Variants in SRP72 observed in about 807,000 individuals in gnomAD.
The protein encoded by SRP72 is signal recognition particle subunit SRP72.
In SRP72, 49 loss-of-function variants were observed where a neutral mutation model predicts 96.3. The ratio of observed to expected loss-of-function variants is 0.51; its 90% CI spans 0.40 to 0.65. The LOEUF (loss-of-function observed/expected upper bound fraction) is 0.65, where lower values mean the gene tolerates loss of function less well. Among genes scored for constraint, SRP72 ranks in the 30% least tolerant of loss-of-function variants. The pLI, the probability that SRP72 is intolerant of heterozygous loss-of-function variation, is 0.00. For missense variants in SRP72, 736 were observed against 793.3 expected (o/e 0.93, Z 0.87); for synonymous variants, 267 against 275.2 (o/e 0.97, Z 0.30).
chr4:56,489,130 C>A, intron 12 of SRP72: 1 of 335,656 alleles, frequency 3.0e-6, no homozygotes, highest in Non-Finnish European at 5.5e-6. Flanking sequence ...CTGTACTTAC[C>A]AAACCATTTG....
At chr4:56,482,372 C>T (rs933837646) in intron 8 of SRP72, among the ~76,000 whole-genome samples, 12 of 151,558 alleles carry the variant, frequency 7.9e-5, no homozygotes, top group South Asian at 2.1e-4. Context: ...GGCGTGAACC[C>T]GTGAGGCGGA....
At position 56,491,523 on chromosome 4, in the gene SRP72, A is replaced by G. The variant is rs777563434; in HGVS notation, c.1595A>G (p.Lys532Arg). Residue 532 changes from lysine to arginine, a missense_variant, in exon 16 of 19, where the codon AAG (lysine) becomes AGG (arginine). This residue lies in a region of SRP72 where 388 missense variants were observed against 431.8 expected (regional missense o/e 0.90). Coordinates refer to ENST00000642900, the MANE Select transcript of SRP72 (RefSeq NM_006947.4). Reference sequence around the variant, plus strand: ...TCTGCTGGTGCTACATACATTCGGAAGAAGGGTGGAAAAGTTACTGGAGAT... The same window carrying G: ...TCTGCTGGTGCTACATACATTCGGAGGAAGGGTGGAAAAGTTACTGGAGAT... ...ENSAGATYIRKKGGKVTGDSQ... is the reference protein window; with the variant it reads ...ENSAGATYIRRKGGKVTGDSQ... The G allele has an allele frequency of 1.9e-6, 3 of 1,614,016 alleles. No individual in the cohort carries two copies. Among genetic ancestry groups the G allele is most frequent in the Admixed American group, 3.3e-5 (2 of 60,024 alleles).
chr4:56,481,402 C>G (rs1578184484), intron 8 of SRP72, among the ~76,000 whole-genome samples: 1 of 152,148 alleles, frequency 6.6e-6, no homozygotes, highest in East Asian at 1.9e-4. Flanking sequence ...ATCAGTGTGA[C>G]TTAGTTTTCT....
At chr4:56,478,160 T>A (rs1397298308) in intron 6 of SRP72, among the ~76,000 whole-genome samples, 3 of 151,546 alleles carry the variant, frequency 2.0e-5, no homozygotes, top group Non-Finnish European at 4.4e-5. Context: ...TTTTCTTTTT[T>A]TTTTTTTTTT....
At chr4:56,472,348 C>CTTTTT (rs11332013) in intron 3 of SRP72, among the ~76,000 whole-genome samples, 1 of 123,042 alleles carries the variant, frequency 8.1e-6, no homozygotes, top group South Asian at 2.7e-4. Flanking sequence ...TAAAGTTTTT[C>CTTTTT]TTTTTTTTTT....
intron 15 of SRP72, 22 bp downstream of exon 15, chr4:56,490,667 C>T (rs975855579): frequency 3.1e-6 from 5 of 1,587,530 alleles, no homozygotes; most frequent in Middle Eastern, 1.7e-4. Flanking sequence ...ATTGTTATTC[C>T]TTACAGCTCC....
At chr4:56,479,218 C>T (rs1407447616) in intron 8 of SRP72, among the ~76,000 whole-genome samples, 1 of 152,010 alleles carries the variant, frequency 6.6e-6, no homozygotes, top group Non-Finnish European at 1.5e-5. Flanking sequence ...CTCGCTCTGT[C>T]GCCCGGACTG....
Position 56,502,218 on chromosome 4 carries a change from G to A in SRP72, c.*357G>A, listed in dbSNP as rs771292642. 15 of 211,158 alleles carry A rather than the reference G, an allele frequency of 7.1e-5. No individual in the cohort carries two copies. The highest frequency in any genetic ancestry group is 1.1e-4 in the Non-Finnish European group (11 of 103,612). 13.1% of individuals were successfully genotyped at this position (211,158 alleles called of 1,614,324 possible). A position where few individuals can be genotyped will look rare whatever the true frequency, so the allele number is the denominator to read the frequency against. On this transcript the variant is annotated 3_prime_UTR_variant, in exon 19 of 19. Coordinates refer to ENST00000642900, the MANE Select transcript of SRP72 (RefSeq NM_006947.4). ...AGAAACTACTTCTATGATTTCAGCTGGAGTCTGAAGATACTTGTTTCTGTT... is the reference window on the plus strand; with the variant it reads ...AGAAACTACTTCTATGATTTCAGCTAGAGTCTGAAGATACTTGTTTCTGTT...
chr4:56,500,682 G>A lies in SRP72; in HGVS notation c.1825G>A (p.Ala609Thr). ...AGGGACCCAGGGAGCAACTGCAGGA[G>A]CTTCATCTGAACTGTAAGTTATTGC... is the stretch of plus-strand genomic sequence containing the variant. ...GKGTQGATAG[A>T]SSELDASKTV... The change falls in exon 18 of 19, where the codon GCT becomes ACT. Residue 609 changes from alanine to threonine, a missense_variant. Coordinates refer to ENST00000642900, the MANE Select transcript of SRP72 (RefSeq NM_006947.4). 6.2e-7 allele frequency: 1 copy of A among 1,613,610 alleles called. No individual in the cohort carries two copies. Among genetic ancestry groups the A allele is most frequent in the Non-Finnish European group, 8.5e-7 (1 of 1,179,800 alleles).
chr4:56,501,012 T>C (rs1721245613), intron 18 of SRP72, among the ~76,000 whole-genome samples: 1 of 152,100 alleles, frequency 6.6e-6, no homozygotes, highest in African/African-American at 2.4e-5. Context: ...GTCATTCAAC[T>C]AAATAAATAT....
chr4:56,482,216 C>T (rs928947309), intron 8 of SRP72, among the ~76,000 whole-genome samples: 1 of 150,332 alleles, frequency 6.7e-6, no homozygotes, highest in Non-Finnish European at 1.5e-5. Flanking sequence ...CCTAGGTGGG[C>T]GAATCACGAG....
chr4:56,491,737 T>C lies in SRP72; in HGVS notation c.1640+169T>C, dbSNP rs533620223. On this transcript the variant is annotated intron_variant, in intron 16 of 18. Transcript: ENST00000642900. Reference sequence around the variant, plus strand: ...TGTCCTTATTTCCTTCCCTTTTCCCTCAGCCCAAAATTAACCTCTGGTATT... The same window carrying C: ...TGTCCTTATTTCCTTCCCTTTTCCCCCAGCCCAAAATTAACCTCTGGTATT... The C allele has an allele frequency of 5.0e-5, 30 of 594,092 alleles. No individual in the cohort carries two copies. The African/African-American group carries it at 5.2e-4, about 10-fold the overall frequency. The allele number at this position is 594,092 out of a possible 1,614,324, so 36.8% of individuals were successfully genotyped here.
intron 9 of SRP72, among the ~76,000 whole-genome samples, chr4:56,484,063 T>C (rs924005590): frequency 7.1e-4 from 96 of 135,152 alleles, no homozygotes; most frequent in Non-Finnish European, 9.2e-4. Context: ...AGATGGAGTC[T>C]CGCTCTGTCG....
intron 11 of SRP72, among the ~76,000 whole-genome samples, chr4:56,487,193 A>G (rs1208866739): frequency 1.3e-5 from 2 of 152,186 alleles, no homozygotes; most frequent in South Asian, 2.1e-4. Context: ...CTTAAATATT[A>G]CAGTGGCTGA....
At chr4:56,497,878 A>G (rs1721132328) in intron 17 of SRP72, among the ~76,000 whole-genome samples, 1 of 152,154 alleles carries the variant, frequency 6.6e-6, no homozygotes, top group Non-Finnish European at 1.5e-5. Flanking sequence ...TGCAAGTCTG[A>G]TAGAGTTTTT....
chr4:56,471,958 A>G, intron 3 of SRP72, 115 bp downstream of exon 3: 2 of 1,239,252 alleles, frequency 1.6e-6, no homozygotes, highest in Non-Finnish European at 2.3e-6. Context: ...AAAACTGACC[A>G]CCAAACCAGT....
rs184026875 is a variant in SRP72, at chr4:56,501,684, G to T, written c.1839G>T (p.Leu613=). The T allele has an allele frequency of 2.5e-5, 40 of 1,612,158 alleles. No individual in the cohort carries two copies. In the East Asian group the frequency reaches 8.5e-4, roughly 34 times the overall value. ...ACCAAAAATGATCTGATGATTTCAG[G>T]GATGCCAGTAAAACTGTGAGCAGCC... The part of the protein sequence containing the change: ...QGATAGASSE[L]DASKTVSSPP... The change falls in exon 19 of 19, where the codon CTG becomes CTT. Residue 613 remains leucine (L), a splice_region_variant and synonymous_variant. Transcript: ENST00000642900.
chr4:56,488,895 A>G (rs1720812335), intron 12 of SRP72, among the ~76,000 whole-genome samples: 1 of 151,478 alleles, frequency 6.6e-6, no homozygotes, highest in Non-Finnish European at 1.5e-5. Flanking sequence ...TTCTATCCTC[A>G]TCTCCTACTG....
chr4:56,482,115 A>T (rs1000927264), intron 8 of SRP72, among the ~76,000 whole-genome samples: 1 of 147,532 alleles, frequency 6.8e-6, no homozygotes, highest in Non-Finnish European at 1.5e-5. Flanking sequence ...TCTCTGTATC[A>T]GTATTTTTTA....
Sources: gnomAD v4.1 joint callset for allele counts (sites outside exome capture counted in the v4.1 genomes callset) on GRCh38, gnomAD v4.1.1 for gene constraint, gnomAD v4.1.1 regional missense constraint, MANE v1.5 for transcripts, NCBI Gene and HGNC (gene_info 2026-07-23, HGNC 2026-07-21) for gene names.